The following SORCS3 variants were observed in gnomAD, a reference collection of about 807,000 sequenced individuals.
The protein encoded by SORCS3 is sortilin related VPS10 domain containing receptor 3.
SORCS3 carries 57 observed loss-of-function variants against 146.3 expected under a neutral mutation model. The observed-to-expected ratio is 0.39, with a 90% CI of 0.31 to 0.49. SORCS3 has a LOEUF of 0.49. SORCS3 is among the 20% of genes least tolerant of loss of function. SORCS3 has a pLI of 0.92. For missense variants in SORCS3, 1,341 were observed against 1,575.5 expected (o/e 0.85, Z 2.52); for synonymous variants, 653 against 618.5 (o/e 1.06, Z -0.83).
intron 14 of SORCS3, among the ~76,000 whole-genome samples, chr10:105,196,596 A>G (rs1014197975): frequency 2.6e-5 from 4 of 151,978 alleles, no homozygotes; most frequent in African/African-American, 7.3e-5. Flanking sequence ...CAAGAGTGAA[A>G]CTCTGTTTCA....
chr10:105,054,938 C>T (rs186353836), intron 5 of SORCS3, among the ~76,000 whole-genome samples: 2 of 152,248 alleles, frequency 1.3e-5, no homozygotes, highest in African/African-American at 4.8e-5. Context: ...TTAGAATCAC[C>T]TTGTCATGTT....
chr10:104,687,534 C>T (rs2016059698), intron 1 of SORCS3, among the ~76,000 whole-genome samples: 1 of 152,148 alleles, frequency 6.6e-6, no homozygotes, highest in Non-Finnish European at 1.5e-5. Flanking sequence ...ATGTGAATTT[C>T]TTCCCTGAGT....
intron 20 of SORCS3, among the ~76,000 whole-genome samples, chr10:105,232,580 C>T (rs1184383712): frequency 6.6e-6 from 1 of 150,540 alleles, no homozygotes; most frequent in African/African-American, 2.4e-5. Flanking sequence ...TTCTGCTTAC[C>T]TTGGAGTTTT....
chr10:105,134,317 G>A (rs1291417527), intron 7 of SORCS3, among the ~76,000 whole-genome samples: 1 of 152,126 alleles, frequency 6.6e-6, no homozygotes, highest in Non-Finnish European at 1.5e-5. Flanking sequence ...CTCAATTAAT[G>A]ACTGTCTTAT....
At chr10:104,776,824 C>T (rs1256139181) in intron 1 of SORCS3, among the ~76,000 whole-genome samples, 3 of 149,506 alleles carry the variant, frequency 2.0e-5, no homozygotes, top group Non-Finnish European at 3.0e-5. Flanking sequence ...TCTTCACTAA[C>T]GGTATCAGCT....
At chr10:104,890,102 A>G (rs1304648704) in intron 2 of SORCS3, among the ~76,000 whole-genome samples, 4 of 151,724 alleles carry the variant, frequency 2.6e-5, no homozygotes, top group Admixed American at 1.3e-4. Flanking sequence ...TGTTTCTATC[A>G]CTGATGTTAA....
chr10:105,180,578 A>T (rs2056436985), intron 14 of SORCS3, among the ~76,000 whole-genome samples: 1 of 152,202 alleles, frequency 6.6e-6, no homozygotes, highest in African/African-American at 2.4e-5. Context: ...TTTTGAAATT[A>T]AAAAATCTGA....
In SORCS3 at chr10:105,247,318, G is replaced by A. The variant is rs766974726; in HGVS notation, c.3092G>A (p.Arg1031Gln). ...WRKDIGNVIKRALVKVTSVPE... is the reference protein window; with the variant it reads ...WRKDIGNVIKQALVKVTSVPE... ...AAAGATATTGGCAATGTCATCAAGC[G>A]AGCTCTGGTTAAAGTAAGTTGGCTT... is the stretch of plus-strand genomic sequence containing the variant. Residue 1031 changes from arginine to glutamine, a missense_variant, in exon 22 of 27, where the codon CGA becomes CAA. Physicochemically the swap from Arg to Gln is conservative, Grantham distance 43. Transcript: ENST00000369701. 8.7e-6 allele frequency: 14 copies of A among 1,603,168 alleles called. No homozygotes were observed. The highest frequency in any genetic ancestry group is 1.1e-5 in the Non-Finnish European group (13 of 1,170,916).
intron 20 of SORCS3, among the ~76,000 whole-genome samples, chr10:105,233,715 C>T (rs2056777709): frequency 6.6e-6 from 1 of 152,124 alleles, no homozygotes; most frequent in African/African-American, 2.4e-5. Flanking sequence ...TAGCTTCATC[C>T]ATGTTCCTGC....
chr10:104,821,929 T>C (rs2017877246), intron 1 of SORCS3, among the ~76,000 whole-genome samples: 1 of 152,206 alleles, frequency 6.6e-6, no homozygotes, highest in Non-Finnish European at 1.5e-5. Context: ...GTAGGTGCTG[T>C]GTACAAGGTT....
chr10:104,970,407 A>G (rs957217881), intron 3 of SORCS3, among the ~76,000 whole-genome samples: 2 of 152,192 alleles, frequency 1.3e-5, no homozygotes, highest in Admixed American at 6.5e-5. Context: ...TCGGCCTCCC[A>G]AAGAGCTGGG....
intron 8 of SORCS3, among the ~76,000 whole-genome samples, chr10:105,145,839 A>G (rs1388258577): frequency 6.6e-6 from 1 of 152,168 alleles, no homozygotes; most frequent in Non-Finnish European, 1.5e-5. Flanking sequence ...AGAATCTTCA[A>G]TAAAAAGATC....
chr10:104,969,050 T>A (rs1307317072), intron 3 of SORCS3, among the ~76,000 whole-genome samples: 1 of 152,216 alleles, frequency 6.6e-6, no homozygotes, highest in Non-Finnish European at 1.5e-5. Context: ...ATGGGATGAT[T>A]TTCTTTATAG....
chr10:104,723,493 G>A (rs1317507214), intron 1 of SORCS3, among the ~76,000 whole-genome samples: 1 of 152,158 alleles, frequency 6.6e-6, no homozygotes, highest in Non-Finnish European at 1.5e-5. Context: ...TGTCTATTAG[G>A]TCTGCTTGAT....
intron 4 of SORCS3, among the ~76,000 whole-genome samples, chr10:104,991,564 C>T (rs551642981): frequency 9.5e-5 from 14 of 147,756 alleles, no homozygotes; most frequent in South Asian, 6.4e-4. Flanking sequence ...TGCAGTGGTG[C>T]GATCTTGGCT....
intron 1 of SORCS3, among the ~76,000 whole-genome samples, chr10:104,726,793 C>T (rs1237480511): frequency 1.3e-5 from 2 of 152,126 alleles, no homozygotes; most frequent in South Asian, 2.1e-4. Flanking sequence ...CCTGCCCCAT[C>T]TCCATTCCTC....
intron 3 of SORCS3, among the ~76,000 whole-genome samples, chr10:104,960,299 C>A (rs1183390180): frequency 6.6e-6 from 1 of 152,108 alleles, no homozygotes; most frequent in Non-Finnish European, 1.5e-5. Context: ...ATATAATAAT[C>A]CTCCCCAGAT....
chr10:104,895,963 T>C (rs1374105958), intron 2 of SORCS3, among the ~76,000 whole-genome samples: 1 of 152,226 alleles, frequency 6.6e-6, no homozygotes, highest in Non-Finnish European at 1.5e-5. Context: ...AAAGCATAGA[T>C]TTGTAACTTC....
chr10:105,181,421 C>T (rs1484241), intron 14 of SORCS3, among the ~76,000 whole-genome samples: 11,907 of 152,138 alleles, frequency 0.078, 659 homozygotes, highest in Admixed American at 0.15. Context: ...GGTGGAATGG[C>T]ATGTGGGCAC....
Sources: gnomAD v4.1 joint callset for allele counts (sites outside exome capture counted in the v4.1 genomes callset) on GRCh38, gnomAD v4.1.1 for gene constraint, MANE v1.5 for transcripts, NCBI Gene and HGNC (gene_info 2026-07-23, HGNC 2026-07-21) for gene names.